Variants in PPP2R2D observed in about 807,000 individuals in gnomAD.
PPP2R2D encodes serine/threonine-protein phosphatase 2A 55 kDa regulatory subunit B delta isoform.
Under a neutral mutation model 31.1 loss-of-function variants are expected in PPP2R2D, and 9 were observed. That is an observed-to-expected ratio of 0.29 (90% CI 0.17 to 0.51). The LOEUF (loss-of-function observed/expected upper bound fraction) is 0.51, where lower values mean the gene tolerates loss of function less well. PPP2R2D is among the 20% of genes least tolerant of loss of function. The pLI, the probability that PPP2R2D is intolerant of heterozygous loss-of-function variation, is 0.98. For missense variants in PPP2R2D, 391 were observed against 465.6 expected (o/e 0.84, Z 1.48); for synonymous variants, 179 against 172.6 (o/e 1.04, Z -0.29).
At chr10:131,935,549 G>T (rs2036323072) in intron 3 of PPP2R2D, among the ~76,000 whole-genome samples, 3 of 152,310 alleles carry the variant, frequency 2.0e-5, no homozygotes, top group Middle Eastern at 6.8e-3. Context: ...AAATTGACAG[G>T]TGCTAACCAA....
chr10:131,950,007 A>G (rs1010615745), intron 8 of PPP2R2D, among the ~76,000 whole-genome samples: 1 of 142,920 alleles, frequency 7.0e-6, no homozygotes, highest in East Asian at 2.1e-4. Flanking sequence ...AGAAATGACA[A>G]GTATGATACA....
At position 131,956,656 on chromosome 10, in the gene PPP2R2D, TG is replaced by T; in HGVS notation, c.*698del. 1.4e-6 allele frequency: 1 copy of T among 726,952 alleles called. No individual in the cohort carries two copies. Among genetic ancestry groups the T allele is most frequent in the South Asian group, 6.2e-5 (1 of 16,060 alleles). 45.0% of individuals were successfully genotyped at this position (726,952 alleles called of 1,614,324 possible). A position where few individuals can be genotyped will look rare whatever the true frequency, so the allele number is the denominator to read the frequency against. ...AAATGTGTGTCCTTCTTTGGCAGCG[TG>T]GGGGTATGTGTGCAGCATTTCTGTC... is the stretch of plus-strand genomic sequence containing the variant. On this transcript the variant is annotated 3_prime_UTR_variant, in exon 9 of 9. Transcript: ENST00000455566.
chr10:131,953,254 G>C (rs1170075490), intron 8 of PPP2R2D, among the ~76,000 whole-genome samples: 2 of 99,978 alleles, frequency 2.0e-5, no homozygotes, highest in Non-Finnish European at 4.0e-5. Context: ...GACTTGCGGG[G>C]GGGTCCCTGT....
At position 131,947,022 on chromosome 10, in the gene PPP2R2D, C is replaced by T. The variant is rs2036555557; in HGVS notation, c.821-508C>T. ...TCCTGCAGACCCACAAACTGTCGAC[C>T]CTCCAAAAAGCAGGCAGTTTCTTAG... On this transcript the variant is annotated intron_variant, in intron 7 of 8. Transcript: ENST00000455566. The surrounding 1 kb of genome is among the most constrained non-coding windows in gnomAD (Gnocchi z 4.3). Among the ~76,000 whole-genome samples the T allele has an allele frequency of 6.6e-6, 1 of 152,106 alleles. No individual in the cohort carries two copies. The highest frequency in any genetic ancestry group is 1.5e-5 in the Non-Finnish European group (1 of 68,020).
In PPP2R2D at chr10:131,945,900, GGCT is replaced by G; in HGVS notation, c.820+448_820+450del. ...GCCGTCCGAGTGTGGCTGTGTCAGA[GGCT>G]GCTGCTAATAAGTGGAACTCGAGGT... On this transcript the variant is annotated intron_variant, in intron 7 of 8. Coordinates refer to ENST00000455566, the MANE Select transcript of PPP2R2D (RefSeq NM_018461.5). The surrounding 1 kb of genome is among the most constrained non-coding windows in gnomAD (Gnocchi z 4.8). 6.3e-6 allele frequency: 1 copy of G among 158,934 alleles called. No individual in the cohort carries two copies. Among genetic ancestry groups the G allele is most frequent in the Admixed American group, 6.0e-5 (1 of 16,806 alleles). 9.8% of individuals were successfully genotyped at this position (158,934 alleles called of 1,614,324 possible).
chr10:131,937,175 G>A (rs2036358934), intron 3 of PPP2R2D, among the ~76,000 whole-genome samples: 1 of 152,216 alleles, frequency 6.6e-6, no homozygotes, highest in Non-Finnish European at 1.5e-5. Context: ...CAGGAGTCAG[G>A]TCCATAGAGG....
chr10:131,963,986 C>G (rs75522111), downstream of PPP2R2D, among the ~76,000 whole-genome samples: 3,977 of 152,324 alleles, frequency 0.026, 84 homozygotes, highest in Non-Finnish European at 0.041. Flanking sequence ...CGTTGTCTCC[C>G]TGCCTTCCAG....
rs782544640 is a variant in PPP2R2D at position 131,947,006 on chromosome 10, C to T, written c.821-524C>T. On this transcript the variant is annotated intron_variant, in intron 7 of 8. Transcript: ENST00000455566. This position sits in a 1 kb window ranked among gnomAD's most constrained non-coding sequence, Gnocchi z 4.3. ...CAGTCAAGGTGGTCACTCCTGCAGA[C>T]CCACAAACTGTCGACCCTCCAAAAA... is the stretch of plus-strand genomic sequence containing the variant. 2.2e-4 allele frequency among the ~76,000 whole-genome samples: 33 copies of T among 152,226 alleles called. No homozygotes were observed. The highest frequency in any genetic ancestry group is 3.4e-3 in the Middle Eastern group (1 of 294).
chr10:131,969,717 C>T, the PPP2R2D span: 3 of 152,334 alleles, frequency 2.0e-5, no homozygotes, highest in African/African-American at 7.2e-5. Flanking sequence ...AGCCACAGAA[C>T]ACTGTCTGCA....
intron 3 of PPP2R2D, chr10:131,935,057 A>C (rs1379629985): frequency 2.3e-6 from 1 of 439,176 alleles, no homozygotes; most frequent in Non-Finnish European, 4.6e-6. Context: ...ACCTGTCTGG[A>C]GGGAAGGGAA....
chr10:131,940,318 TTATCTAG>T, intron 4 of PPP2R2D, 122 bp downstream of exon 4: 1 of 572,806 alleles, frequency 1.7e-6, no homozygotes, highest in Non-Finnish European at 3.2e-6. Flanking sequence ...GGAGGGTAAG[TTATCTAG>T]GGTAGCAAGT....
chr10:131,962,817 C>T (rs1382398480), downstream of PPP2R2D, among the ~76,000 whole-genome samples: 2 of 152,186 alleles, frequency 1.3e-5, no homozygotes, highest in African/African-American at 4.8e-5. Context: ...GCTGCACTTC[C>T]GCCGATCAGA....
At chr10:131,925,008 G>A (rs2036076138) in intron 2 of PPP2R2D, among the ~76,000 whole-genome samples, 1 of 152,130 alleles carries the variant, frequency 6.6e-6, no homozygotes, top group African/African-American at 2.4e-5. Context: ...CTTGCATCCT[G>A]TGTCCTTGCT....
intron 3 of PPP2R2D, among the ~76,000 whole-genome samples, chr10:131,938,741 T>C (rs782379707): frequency 1.3e-5 from 2 of 152,262 alleles, no homozygotes; most frequent in Non-Finnish European, 2.9e-5. Context: ...CTGGCTCATT[T>C]ATCTCAGCGG....
rs782647644 is a variant in PPP2R2D at position 131,957,983 on chromosome 10, G to C, written c.*2020G>C. The C allele has an allele frequency of 6.7e-4, 85 of 127,520 alleles. 1 individual carries two copies. The highest frequency in any genetic ancestry group is 3.2e-3 in the Admixed American group (32 of 10,096). 7.9% of individuals were successfully genotyped at this position (127,520 alleles called of 1,614,324 possible). A position where few individuals can be genotyped will look rare whatever the true frequency, so the allele number is the denominator to read the frequency against. On this transcript the variant is annotated 3_prime_UTR_variant, in exon 9 of 9. Transcript: ENST00000455566. ...AGATGAAGGGGTGTGCTGATCCCCC[G>C]TGCCCCTGTGGACATGGAGGCGTGT... is the stretch of plus-strand genomic sequence containing the variant.
intron 2 of PPP2R2D, among the ~76,000 whole-genome samples, chr10:131,910,632 A>G (rs1197686943): frequency 1.3e-5 from 2 of 152,212 alleles, no homozygotes; most frequent in Admixed American, 6.5e-5. Context: ...AGCTTGTGTG[A>G]TACTGTGGAA....
chr10:131,903,661 C>G (rs1041431512), intron 2 of PPP2R2D, among the ~76,000 whole-genome samples: 1 of 152,078 alleles, frequency 6.6e-6, no homozygotes, highest in Non-Finnish European at 1.5e-5. Flanking sequence ...TTTGGTTATT[C>G]TGTGTATTCA....
chr10:131,962,275 G>A (rs572295438), downstream of PPP2R2D, among the ~76,000 whole-genome samples: 6 of 152,138 alleles, frequency 3.9e-5, no homozygotes, highest in African/African-American at 1.2e-4. Context: ...TCATCATCAC[G>A]CACGGGAAAC....
rs140715240 is a variant in PPP2R2D, at chr10:131,916,216, C to T, written c.100+14886C>T. Reference sequence around the variant, plus strand: ...GTGGTGGAGGCGCACACACAGCACCCAGAGGCGGGCTCTGTGGAGTTCGCA... The same window carrying T: ...GTGGTGGAGGCGCACACACAGCACCTAGAGGCGGGCTCTGTGGAGTTCGCA... On this transcript the variant is annotated intron_variant, in intron 2 of 8. Coordinates refer to ENST00000455566, the MANE Select transcript of PPP2R2D (RefSeq NM_018461.5). 4.8e-3 allele frequency among the ~76,000 whole-genome samples: 724 copies of T among 152,238 alleles called. 2 individuals carry two copies. The highest frequency in any genetic ancestry group is 0.017 in the Middle Eastern group (5 of 294).
Sources: gnomAD v4.1 joint callset for allele counts (sites outside exome capture counted in the v4.1 genomes callset) on GRCh38, gnomAD v4.1.1 for gene constraint, Gnocchi (gnomAD v3.1) non-coding constraint, MANE v1.5 for transcripts, NCBI Gene and HGNC (gene_info 2026-07-23, HGNC 2026-07-21) for gene names.